CAPN15: variants seen among roughly 807,000 people sequenced by gnomAD.
CAPN15 encodes calpain 15.
A neutral mutation model predicts 97.9 loss-of-function variants in CAPN15; 53 were observed. The observed-to-expected ratio is 0.54, with a 90% CI of 0.43 to 0.68. CAPN15 has a LOEUF of 0.68. Ranked by LOEUF, CAPN15 falls within the 30% of genes least tolerant of loss-of-function variation. The probability of loss-of-function intolerance (pLI) is 0.00; values close to 1 mark genes in which losing one functional copy is unlikely to be tolerated. For missense variants in CAPN15, 1,592 were observed against 1,589.8 expected (o/e 1.00, Z -0.02); for synonymous variants, 922 against 722.5 (o/e 1.28, Z -4.43).
rs530881166 is a variant in CAPN15 at position 552,155 on chromosome 16, C to T, written c.2450C>T (p.Ala817Val). ...GCCAGCGCGCCCGTGGGGGTAACAG[C>T]GCTCACGGTGCTGGAGCGGGCCTCG... ...SSASAPVGVT[A>V]LTVLERASLE... Residue 817 changes from alanine to valine, a missense_variant, in exon 10 of 14, where the codon GCG (alanine) becomes GTG (valine). Coordinates refer to ENST00000219611, the MANE Select transcript of CAPN15 (RefSeq NM_005632.3). This position sits in a 1 kb window ranked among gnomAD's most constrained non-coding sequence, Gnocchi z 6.4. 272 of 1,546,448 alleles carry T rather than the reference C, an allele frequency of 1.8e-4. No homozygotes were observed. Among genetic ancestry groups the T allele is most frequent in the Admixed American group, 2.8e-4 (14 of 50,780 alleles).
Position 547,220 on chromosome 16 carries a change from G to C in CAPN15, c.382G>C (p.Glu128Gln), listed in dbSNP as rs761627663. 2 of 1,526,598 alleles carry C rather than the reference G, an allele frequency of 1.3e-6. No homozygotes were observed. The highest frequency in any genetic ancestry group is 1.8e-6 in the Non-Finnish European group (2 of 1,142,688). The allele number at this position is 1,526,598 out of a possible 1,614,324, so 94.6% of individuals were successfully genotyped here. A position where few individuals can be genotyped will look rare whatever the true frequency, so the allele number is the denominator to read the frequency against. Residue 128 changes from glutamate (E) to glutamine (Q), a missense_variant, in exon 4 of 14, where the codon GAG becomes CAG. Glu to Gln is a conservative substitution (Grantham distance 29). Around this residue, in one of 3 missense-constraint regions of CAPN15, gnomAD observed 883 missense variants for 776.6 expected, o/e 1.14. Coordinates refer to ENST00000219611, the MANE Select transcript of CAPN15 (RefSeq NM_005632.3). ...PARGQCEDKD[E>Q]EEKEEQEEEE... ...CAGGGGGCAGTGCGAGGACAAGGACGAGGAGGAGAAGGAGGAGCAGGAGGA... is the reference window on the plus strand; with the variant it reads ...CAGGGGGCAGTGCGAGGACAAGGACCAGGAGGAGAAGGAGGAGCAGGAGGA...
At chr16:528,717 G>C in intron 1 of CAPN15, 1 of 985,418 alleles carries the variant, frequency 1.0e-6, no homozygotes, top group Non-Finnish European at 1.2e-6. Flanking sequence ...TTACCGGACT[G>C]CAGGTAACAA....
intron 2 of CAPN15, 22 bp downstream of exon 2, chr16:534,020 G>A (rs2033466168): frequency 1.0e-6 from 1 of 983,940 alleles, no homozygotes; most frequent in Non-Finnish European, 1.2e-6. Flanking sequence ...CCCAAGCCCT[G>A]CGGCTCGTTT....
rs903671265 is a variant in CAPN15 at position 527,869 on chromosome 16, G to GGAGC, written c.-348_-345dup. The GGAGC allele has an allele frequency of 1.4e-4, 20 of 146,960 alleles. No homozygotes were observed. Among genetic ancestry groups the GGAGC allele is most frequent in the African/African-American group, 4.6e-4 (19 of 40,964 alleles). The allele number at this position is 146,960 out of a possible 1,614,324, so 9.1% of individuals were successfully genotyped here. A position where few individuals can be genotyped will look rare whatever the true frequency, so the allele number is the denominator to read the frequency against. On this transcript the variant is annotated 5_prime_UTR_variant, in exon 1 of 14. Coordinates refer to ENST00000219611, the MANE Select transcript of CAPN15 (RefSeq NM_005632.3). ...CCGGGTCGGGGCGCCCCGCGGCTGA[G>GGAGC]GAGCGGGAGGCCGTCCGGGCAGCGC...
chr16:540,111 C>G (rs2034011285), intron 3 of CAPN15: 1 of 985,374 alleles, frequency 1.0e-6, no homozygotes, highest in Admixed American at 6.1e-5. Flanking sequence ...CCTGTCTCTT[C>G]CCTCCATGCT....
intron 1 of CAPN15, among the ~76,000 whole-genome samples, chr16:530,259 T>C (rs575484165): frequency 7.9e-5 from 12 of 152,306 alleles, no homozygotes. Context: ...CCCTGCTGGA[T>C]GTGGCGCCGA....
At chr16:542,358 C>T (rs966177926) in intron 3 of CAPN15, among the ~76,000 whole-genome samples, 9 of 152,158 alleles carry the variant, frequency 5.9e-5, no homozygotes, top group African/African-American at 2.2e-4. Flanking sequence ...ACTGCCAAGC[C>T]ATCTTCCGCA....
rs776585616 is a variant in CAPN15, at chr16:547,654, G to A, written c.816G>A (p.Arg272=). The change falls in exon 4 of 14, where the codon AGG becomes AGA. Residue 272 remains arginine (R), a synonymous_variant. Transcript: ENST00000219611. The part of the protein sequence containing the change: ...AAQPSPSAGC[R]GAPQGSGWAG... ...AGCCGTCACCCTCTGCCGGCTGCAG[G>A]GGAGCCCCCCAGGGCTCGGGCTGGG... 4 of 1,573,424 alleles carry A rather than the reference G, an allele frequency of 2.5e-6. No homozygotes were observed. The highest frequency in any genetic ancestry group is 3.4e-6 in the Non-Finnish European group (4 of 1,159,512).
At position 549,426 on chromosome 16, in the gene CAPN15, C is replaced by T. The variant is rs749197243; in HGVS notation, c.1797C>T (p.Asp599=). ...KDGTWTTVLV[D]DMLPCDEAGC... is the part of the protein sequence containing the mutation. ...GCACGTGGACCACGGTGCTGGTGGA[C>T]GACATGCTGCCCTGTGATGAGGCCG... Residue 599 remains aspartate (D), a synonymous_variant, in exon 6 of 14, where the codon GAC becomes GAT. Transcript: ENST00000219611. 22 of 1,599,538 alleles carry T rather than the reference C, an allele frequency of 1.4e-5. No homozygotes were observed. Among genetic ancestry groups the T allele is most frequent in the Admixed American group, 3.3e-5 (2 of 59,726 alleles).
At chr16:549,936 T>G in intron 7 of CAPN15, 98 bp downstream of exon 7, 1 of 1,001,772 alleles carries the variant, frequency 1.0e-6, no homozygotes, top group Non-Finnish European at 1.5e-6. Flanking sequence ...CCAGTTCTGC[T>G]TCCACGAGGT....
rs113190481 is a variant in CAPN15 at position 540,788 on chromosome 16, C to G, written c.-23+4646C>G. Among the ~76,000 whole-genome samples, 125 of 152,322 alleles carry G rather than the reference C, an allele frequency of 8.2e-4. 1 individual carries two copies. The highest frequency in any genetic ancestry group is 2.8e-3 in the African/African-American group (118 of 41,586). On this transcript the variant is annotated intron_variant, in intron 3 of 13. Transcript: ENST00000219611. ...GTCACAGGCCACATGGCTTGGTGGCCGAACTCCACGTGCTGGCTCCTCACA... is the reference window on the plus strand; with the variant it reads ...GTCACAGGCCACATGGCTTGGTGGCGGAACTCCACGTGCTGGCTCCTCACA...
In CAPN15 at chr16:545,400, G is replaced by A. The variant is rs142378979; in HGVS notation, c.-22-1417G>A. ...GCCCACCGAGAGAGGCCGGCACAGC[G>A]CAGACTGCGGGGTCAGTGACACTCC... On this transcript the variant is annotated intron_variant, in intron 3 of 13. Transcript: ENST00000219611. Among the ~76,000 whole-genome samples the A allele has an allele frequency of 4.4e-3, 668 of 152,018 alleles. 2 individuals carry two copies. The highest frequency in any genetic ancestry group is 0.015 in the African/African-American group (617 of 41,440).
At position 547,006 on chromosome 16, in the gene CAPN15, C is replaced by T. The variant is rs1157176473; in HGVS notation, c.168C>T (p.Arg56=). 1 of 1,610,314 alleles carries T rather than the reference C, an allele frequency of 6.2e-7. No homozygotes were observed. Among genetic ancestry groups the T allele is most frequent in the Non-Finnish European group, 8.5e-7 (1 of 1,179,852 alleles). The change falls in exon 4 of 14, where the codon CGC becomes CGT. Residue 56 remains arginine (R), a synonymous_variant. Transcript: ENST00000219611. ...QKWPCARCTF[R]NFLGKEACEV... ...GGCCCTGCGCCCGCTGCACCTTCCGCAACTTCCTGGGCAAGGAGGCCTGCG... is the reference window on the plus strand; with the variant it reads ...GGCCCTGCGCCCGCTGCACCTTCCGTAACTTCCTGGGCAAGGAGGCCTGCG...
Position 546,850 on chromosome 16 carries a change from C to G in CAPN15, c.12C>G (p.Val4=), listed in dbSNP as rs368119720. 2 of 1,607,528 alleles carry G rather than the reference C, an allele frequency of 1.2e-6. No homozygotes were observed. ...ACTCGCCCGGGTCTATGGCCACGGT[C>G]GGAGAGTGGTCCTGTGTGCGCTGCA... MAT[V]GEWSCVRCTF... Residue 4 remains valine, a synonymous_variant, in exon 4 of 14, where the codon GTC becomes GTG. Coordinates refer to ENST00000219611, the MANE Select transcript of CAPN15 (RefSeq NM_005632.3).
chr16:540,470 G>C (rs1193507032), intron 3 of CAPN15: 5 of 488,646 alleles, frequency 1.0e-5, no homozygotes, highest in Non-Finnish European at 1.3e-5. Flanking sequence ...CAGAGAAGTG[G>C]GTCCCTGCTC....
chr16:552,262 G>T lies in CAPN15; in HGVS notation c.2508-39G>T, dbSNP rs113557341. ...GCTGGGCTGGGCTAGGCTGGCGGCC[G>T]TGACCACGCGTGACCCTGGCCCGTG... On this transcript the variant is annotated intron_variant, in intron 10 of 13. Coordinates refer to ENST00000219611, the MANE Select transcript of CAPN15 (RefSeq NM_005632.3). This position sits in a 1 kb window ranked among gnomAD's most constrained non-coding sequence, Gnocchi z 6.4. 2.6e-6 allele frequency: 4 copies of T among 1,534,188 alleles called. No homozygotes were observed. Among genetic ancestry groups the T allele is most frequent in the Non-Finnish European group, 3.5e-6 (4 of 1,140,174 alleles).
In CAPN15 at chr16:549,666, C is replaced by T. The variant is rs2034852083; in HGVS notation, c.1894C>T (p.Leu632=). The part of the protein sequence containing the change: ...VALIEKALAK[L]HGSYFALQAG... ...CCTCATCGAGAAGGCGCTGGCCAAGCTGCACGGCTCCTACTTTGCGCTCCA... is the reference window on the plus strand; with the variant it reads ...CCTCATCGAGAAGGCGCTGGCCAAGTTGCACGGCTCCTACTTTGCGCTCCA... The change falls in exon 7 of 14, where the codon CTG becomes TTG. Residue 632 remains leucine, a synonymous_variant. Transcript: ENST00000219611. 1 of 1,561,830 alleles carries T rather than the reference C, an allele frequency of 6.4e-7. No individual in the cohort carries two copies.
At chr16:549,242 G>GC in intron 5 of CAPN15, 41 bp downstream of exon 5, 12 of 298,878 alleles carry the variant, frequency 4.0e-5, no homozygotes, top group Admixed American at 1.4e-4. Flanking sequence ...GGGTGGGCGG[G>GC]CGACCGGCCG....
rs1180321384 is a variant in CAPN15 at position 554,190 on chromosome 16, G to T, written c.*674G>T. On this transcript the variant is annotated 3_prime_UTR_variant, in exon 14 of 14. Transcript: ENST00000219611. ...TTCTCAGCACCGCTCACTGCTGCCG[G>T]GCACACTGGGACCAGCAGGCTCCTC... is the stretch of plus-strand genomic sequence containing the variant. 3.4e-6 allele frequency: 1 copy of T among 296,576 alleles called. No homozygotes were observed. Among genetic ancestry groups the T allele is most frequent in the East Asian group, 8.6e-5 (1 of 11,596 alleles). The allele number at this position is 296,576 out of a possible 1,614,324, so 18.4% of individuals were successfully genotyped here. A position where few individuals can be genotyped will look rare whatever the true frequency, so the allele number is the denominator to read the frequency against.
Sources: allele counts gnomAD v4.1 joint callset (sites outside exome capture counted in the v4.1 genomes callset), GRCh38; gene constraint gnomAD v4.1.1; regional missense constraint gnomAD v4.1.1; non-coding constraint Gnocchi (gnomAD v3.1); transcripts MANE v1.5; gene names NCBI Gene and HGNC (gene_info 2026-07-23, HGNC 2026-07-21).